COL5A2: variants seen among roughly 807,000 people sequenced by gnomAD.
COL5A2 encodes the protein collagen alpha-2(V) chain.
Under a neutral mutation model 208.2 loss-of-function variants are expected in COL5A2, and 23 were observed. The observed-to-expected ratio is 0.11, with a 90% CI of 0.08 to 0.16. The LOEUF is 0.16. Ranked by LOEUF, COL5A2 falls within the 10% of genes least tolerant of loss-of-function variation. COL5A2 has a pLI of 1.00. For synonymous variants in COL5A2, 625 were observed against 628.5 expected, an observed-to-expected ratio of 0.99 and a Z score of 0.08; for missense variants, 1,590 against 1,956.4, an observed-to-expected ratio of 0.81 and a Z score of 3.53.
chr2:189,146,229 A>T (rs988636327), intron 1 of COL5A2, among the ~76,000 whole-genome samples: 9 of 152,162 alleles, frequency 5.9e-5, no homozygotes, highest in African/African-American at 2.2e-4. Flanking sequence ...TAGAATAATT[A>T]GGGATCAAAT....
At chr2:189,103,583 CA>C (rs1212548207) in intron 3 of COL5A2, among the ~76,000 whole-genome samples, 1 of 151,990 alleles carries the variant, frequency 6.6e-6, no homozygotes, top group Admixed American at 6.6e-5. Flanking sequence ...CACTCTTGGG[CA>C]AAAAGAACTA....
upstream of COL5A2, among the ~76,000 whole-genome samples, chr2:189,226,196 A>T (rs903701407): frequency 2.6e-5 from 4 of 152,176 alleles, no homozygotes; most frequent in African/African-American, 7.2e-5. Context: ...ATAGAGCATG[A>T]TTTGTTAGCA....
chr2:189,100,223 C>A (rs1687020909), intron 3 of COL5A2, 84 bp from the exon 4 acceptor site: 1 of 996,856 alleles, frequency 1.0e-6, no homozygotes, highest in South Asian at 1.4e-5. Context: ...TAGAATATGC[C>A]ATGTAAACAC....
chr2:189,078,384 C>T (rs538865793), intron 16 of COL5A2, 132 bp downstream of exon 16: 109 of 666,860 alleles, frequency 1.6e-4, no homozygotes, highest in Non-Finnish European at 2.3e-4. Context: ...GACTTTATTC[C>T]AAAAGAAAAA....
chr2:189,077,436 A>G (rs1686433268), intron 16 of COL5A2, among the ~76,000 whole-genome samples: 2 of 152,202 alleles, frequency 1.3e-5, no homozygotes, highest in Admixed American at 1.3e-4. Context: ...TTGCAATTTA[A>G]TACCCTGGTA....
chr2:189,440,448 C>T, the COL5A2 span, among the ~76,000 whole-genome samples: 5 of 152,078 alleles, frequency 3.3e-5, no homozygotes, highest in African/African-American at 1.2e-4. Flanking sequence ...ATATTGCAGG[C>T]AATTGTAACA....
chr2:189,215,260 C>T (rs1403409123), intron 1 of COL5A2, among the ~76,000 whole-genome samples: 2 of 152,106 alleles, frequency 1.3e-5, no homozygotes, highest in Non-Finnish European at 2.9e-5. Flanking sequence ...ATACTAGGTA[C>T]ACCCTCAGTC....
the COL5A2 span, among the ~76,000 whole-genome samples, chr2:189,288,228 T>C: frequency 2.0e-5 from 3 of 152,328 alleles, no homozygotes; most frequent in East Asian, 5.8e-4. Flanking sequence ...TAACCATGCA[T>C]ATGTTAACTA....
rs368326696 is a variant in COL5A2 at position 189,063,131 on chromosome 2, G to A, written c.1869+41C>T. ...CAAAAACATACCTCCTCCAAATGAG[G>A]ATCATGATGAGGTGGCCAACATATT... On this transcript the variant is annotated intron_variant, in intron 27 of 53. Coordinates refer to ENST00000374866, the MANE Select transcript of COL5A2 (RefSeq NM_000393.5). The A allele has an allele frequency of 9.9e-6, 16 of 1,609,180 alleles. No individual in the cohort carries two copies. In the East Asian group the frequency reaches 1.3e-4, roughly 13 times the overall value.
the COL5A2 span, among the ~76,000 whole-genome samples, chr2:189,379,349 T>A: frequency 6.6e-6 from 1 of 152,202 alleles, no homozygotes; most frequent in Non-Finnish European, 1.5e-5. Context: ...AGGGCAAAAT[T>A]CCTTTTCTCA....
the COL5A2 span, chr2:189,311,998 C>T: frequency 1.3e-6 from 1 of 750,134 alleles, no homozygotes; most frequent in East Asian, 2.5e-5. Flanking sequence ...CCATGGATGT[C>T]ACTCTCCACA....
In COL5A2 at chr2:189,075,385, TA is replaced by T; in HGVS notation, c.1104+7del. ...TTAATGAATTAATATGAAAATAATA[TA>T]ACTCACCATTGGTCCAGGTTTTCCA... is the stretch of plus-strand genomic sequence containing the variant. On this transcript the variant is annotated splice_region_variant and intron_variant, in intron 17 of 53. Coordinates refer to ENST00000374866, the MANE Select transcript of COL5A2 (RefSeq NM_000393.5). 6.3e-7 allele frequency: 1 copy of T among 1,581,046 alleles called. No homozygotes were observed. Among genetic ancestry groups the T allele is most frequent in the Non-Finnish European group, 8.7e-7 (1 of 1,150,630 alleles).
chr2:189,139,958 A>G (rs1010218875), intron 1 of COL5A2, among the ~76,000 whole-genome samples: 4 of 152,148 alleles, frequency 2.6e-5, no homozygotes, highest in Non-Finnish European at 4.4e-5. Flanking sequence ...CTGTAGTCCC[A>G]GCTGCTCAGG....
At chr2:189,074,230 C>T (rs1392977714) in intron 17 of COL5A2, among the ~76,000 whole-genome samples, 4 of 151,984 alleles carry the variant, frequency 2.6e-5, no homozygotes, top group Non-Finnish European at 5.9e-5. Flanking sequence ...TGAATGATCT[C>T]ACACTAATTA....
intron 2 of COL5A2, among the ~76,000 whole-genome samples, chr2:189,106,902 C>T (rs1687161412): frequency 6.6e-6 from 1 of 151,236 alleles, no homozygotes; most frequent in Admixed American, 6.6e-5. Flanking sequence ...CCTTAATAGT[C>T]AATTATTTTG....
At position 189,067,436 on chromosome 2, in the gene COL5A2, G is replaced by A. The variant is rs995162196; in HGVS notation, c.1401+579C>T. Among the ~76,000 whole-genome samples, 12 of 152,082 alleles carry A rather than the reference G, an allele frequency of 7.9e-5. No individual in the cohort carries two copies. In the East Asian group the frequency reaches 1.2e-3, roughly 15 times the overall value. Reference sequence around the variant, plus strand: ...TGACCACATTACTTGGAACAGAATTGTAAATATTTATTTAAATATTTATTT... The same window carrying A: ...TGACCACATTACTTGGAACAGAATTATAAATATTTATTTAAATATTTATTT... On this transcript the variant is annotated intron_variant, in intron 21 of 53. Transcript: ENST00000374866.
intron 1 of COL5A2, among the ~76,000 whole-genome samples, chr2:189,168,661 C>T (rs1466443055): frequency 6.6e-6 from 1 of 152,078 alleles, no homozygotes; most frequent in Non-Finnish European, 1.5e-5. Context: ...AATATTAAAT[C>T]TCTATAAATA....
intron 3 of COL5A2, among the ~76,000 whole-genome samples, chr2:189,102,141 G>A (rs973856513): frequency 6.6e-6 from 1 of 151,980 alleles, no homozygotes; most frequent in Non-Finnish European, 1.5e-5. Context: ...AGGAAGACTA[G>A]AAGAACAAAT....
intron 1 of COL5A2, among the ~76,000 whole-genome samples, chr2:189,204,505 T>C (rs1047407784): frequency 2.4e-4 from 36 of 152,238 alleles, no homozygotes. Context: ...GATTCAGCTT[T>C]AGATCTGTAT....
Sources: allele counts gnomAD v4.1 joint callset (sites outside exome capture counted in the v4.1 genomes callset), GRCh38; gene constraint gnomAD v4.1.1; transcripts MANE v1.5; gene names NCBI Gene and HGNC (gene_info 2026-07-23, HGNC 2026-07-21).